PTPRE: variants seen among roughly 807,000 people sequenced by gnomAD.
PTPRE encodes the protein protein tyrosine phosphatase receptor type E, also known as receptor-type tyrosine-protein phosphatase epsilon.
In PTPRE, 51 loss-of-function variants were observed where a neutral mutation model predicts 102.0. The observed-to-expected ratio is 0.50, with a 90% CI of 0.40 to 0.63. The LOEUF is 0.63. Ranked by LOEUF, PTPRE falls within the 30% of genes least tolerant of loss-of-function variation. The probability of loss-of-function intolerance (pLI) is 0.00; values close to 1 mark genes in which losing one functional copy is unlikely to be tolerated. For missense variants in PTPRE, 752 were observed against 915.1 expected (o/e 0.82, Z 2.30); for synonymous variants, 345 against 348.2 (o/e 0.99, Z 0.10).
At chr10:128,067,174 GCACA>G (rs1287995017) in intron 11 of PTPRE, among the ~76,000 whole-genome samples, 4 of 127,692 alleles carry the variant, frequency 3.1e-5, no homozygotes, top group African/African-American at 1.2e-4. Flanking sequence ...ATGCACACAT[GCACA>G]CATTCACACA....
intron 1 of PTPRE, among the ~76,000 whole-genome samples, chr10:127,918,573 A>AAAAAAAAAAAAAAAAG (rs1454404446): frequency 2.6e-5 from 4 of 151,916 alleles, no homozygotes; most frequent in African/African-American, 9.7e-5. Context: ...AAAAAAAAAA[A>AAAAAAAAAAAAAAAAG]AGAGAGAAAA....
intron 1 of PTPRE, chr10:127,934,146 A>G (rs913239311): frequency 6.6e-6 from 1 of 151,742 alleles, no homozygotes; most frequent in Admixed American, 6.6e-5. Context: ...GCAGAGGACA[A>G]TCTTGGAAAA....
Position 128,070,992 on chromosome 10 carries a change from T to TG in PTPRE, c.1387+92dup. On this transcript the variant is annotated intron_variant, in intron 15 of 20. Transcript: ENST00000254667. This position sits in a 1 kb window ranked among gnomAD's most constrained non-coding sequence, Gnocchi z 4.8. ...GGAGAAGCCATTGACCGCTTACCCC[T>TG]GTGCACCAGGGTCAAAAGCAGGGTG... 7.7e-7 allele frequency: 1 copy of TG among 1,295,056 alleles called. No individual in the cohort carries two copies. The highest frequency in any genetic ancestry group is 1.1e-6 in the Non-Finnish European group (1 of 912,504). The allele number at this position is 1,295,056 out of a possible 1,614,324, so 80.2% of individuals were successfully genotyped here.
At position 128,015,755 on chromosome 10, in the gene PTPRE, G is replaced by A. The variant is rs116480418; in HGVS notation, c.-7-25120G>A. 1.6e-3 allele frequency among the ~76,000 whole-genome samples: 248 copies of A among 152,258 alleles called. 3 individuals are homozygous for A. Among genetic ancestry groups the A allele is most frequent in the African/African-American group, 5.7e-3 (238 of 41,530 alleles). The stretch of plus-strand genomic sequence containing the variant: ...GGGCCCTGGAATTCGAGGTTACAGT[G>A]AGCTATGATCTTGCAACTGCACTGC... On this transcript the variant is annotated intron_variant, in intron 2 of 20. Transcript: ENST00000254667.
At chr10:127,914,381 G>A (rs748471884) in intron 1 of PTPRE, among the ~76,000 whole-genome samples, 5 of 152,196 alleles carry the variant, frequency 3.3e-5, no homozygotes, top group East Asian at 1.9e-4. Flanking sequence ...CAGGCTTTGC[G>A]GACACCGGTG....
At chr10:128,007,570 C>A (rs1359526809) in intron 2 of PTPRE, among the ~76,000 whole-genome samples, 2 of 152,192 alleles carry the variant, frequency 1.3e-5, no homozygotes, top group Admixed American at 6.5e-5. Flanking sequence ...TAAAATCTTA[C>A]AATGTTTCAG....
intron 2 of PTPRE, chr10:127,987,359 A>G (rs1249865382): frequency 1.6e-6 from 2 of 1,284,612 alleles, no homozygotes; most frequent in South Asian, 2.5e-5. Flanking sequence ...CTCCAAGGCC[A>G]GGATGGTTTC....
At chr10:127,945,044 G>A (rs973043743) in intron 1 of PTPRE, among the ~76,000 whole-genome samples, 2 of 152,218 alleles carry the variant, frequency 1.3e-5, no homozygotes, top group African/African-American at 2.4e-5. Flanking sequence ...CATGGGCCAG[G>A]AGTGCCTTGT....
chr10:127,989,468 T>G (rs1730275302), intron 2 of PTPRE, among the ~76,000 whole-genome samples: 1 of 152,174 alleles, frequency 6.6e-6, no homozygotes, highest in African/African-American at 2.4e-5. Context: ...AGTCCAGGCA[T>G]GCCTTGTCAC....
chr10:128,069,962 A>C, intron 13 of PTPRE, 135 bp downstream of exon 13: 1 of 1,371,108 alleles, frequency 7.3e-7, no homozygotes, highest in Non-Finnish European at 1.0e-6. Context: ...TTCGCTCCCC[A>C]TAGCCTTCCC....
intron 1 of PTPRE, among the ~76,000 whole-genome samples, chr10:127,973,125 C>T (rs1188489407): frequency 1.3e-5 from 2 of 152,162 alleles, no homozygotes; most frequent in African/African-American, 4.8e-5. Flanking sequence ...CATATTTTTG[C>T]TATAATGCTG....
chr10:128,061,659 T>A lies in PTPRE; in HGVS notation c.589-20T>A, dbSNP rs778247846. 9 of 1,579,402 alleles carry A rather than the reference T, an allele frequency of 5.7e-6. No individual in the cohort carries two copies. The highest frequency in any genetic ancestry group is 7.7e-6 in the Non-Finnish European group (9 of 1,165,106). On this transcript the variant is annotated intron_variant, in intron 8 of 20. Coordinates refer to ENST00000254667, the MANE Select transcript of PTPRE (RefSeq NM_006504.6). Reference sequence around the variant, plus strand: ...AAAGATAATTCTGAAAAAATATAAATCTGATGTTATTTTTTCTAGGGTTAC... The same window carrying A: ...AAAGATAATTCTGAAAAAATATAAAACTGATGTTATTTTTTCTAGGGTTAC...
At chr10:128,055,925 C>A (rs1389828465) in intron 6 of PTPRE, among the ~76,000 whole-genome samples, 198 bp from the exon 7 acceptor site, 1 of 152,238 alleles carries the variant, frequency 6.6e-6, no homozygotes, top group Non-Finnish European at 1.5e-5. Context: ...TGAAAGAGCA[C>A]CCTGGGGAAA....
chr10:128,006,736 T>C (rs1854588180), intron 2 of PTPRE, among the ~76,000 whole-genome samples: 1 of 152,122 alleles, frequency 6.6e-6, no homozygotes, highest in Non-Finnish European at 1.5e-5. Flanking sequence ...GAAAACATAG[T>C]CCGGGTGAAT....
At chr10:127,991,491 C>T (rs920543324) in intron 2 of PTPRE, among the ~76,000 whole-genome samples, 6 of 152,138 alleles carry the variant, frequency 3.9e-5, no homozygotes, top group Admixed American at 6.5e-5. Context: ...TTTAACCTGA[C>T]CTAGGCTCTT....
At chr10:127,936,738 A>G (rs1847870681) in intron 1 of PTPRE, among the ~76,000 whole-genome samples, 1 of 152,126 alleles carries the variant, frequency 6.6e-6, no homozygotes, top group Non-Finnish European at 1.5e-5. Context: ...TTCTAATGGT[A>G]GTAACTCTAT....
At chr10:127,918,613 G>T (rs1208271988) in intron 1 of PTPRE, among the ~76,000 whole-genome samples, 1 of 151,898 alleles carries the variant, frequency 6.6e-6, no homozygotes, top group African/African-American at 2.4e-5. Context: ...AATTATTGAA[G>T]GAGCTTGGGG....
At chr10:127,990,429 A>G (rs1026344937) in intron 2 of PTPRE, among the ~76,000 whole-genome samples, 3 of 151,760 alleles carry the variant, frequency 2.0e-5, no homozygotes, top group Non-Finnish European at 4.4e-5. Flanking sequence ...AAAAAAAAAA[A>G]AAAAGAAAGA....
intron 10 of PTPRE, among the ~76,000 whole-genome samples, chr10:128,064,374 C>A (rs903886110): frequency 1.8e-4 from 28 of 152,358 alleles, no homozygotes; most frequent in Admixed American, 1.4e-3. Context: ...GCAAATCTTG[C>A]CCTTGTCATG....
Sources: gnomAD v4.1 joint callset for allele counts (sites outside exome capture counted in the v4.1 genomes callset) on GRCh38, gnomAD v4.1.1 for gene constraint, Gnocchi (gnomAD v3.1) non-coding constraint, MANE v1.5 for transcripts, NCBI Gene and HGNC (gene_info 2026-07-23, HGNC 2026-07-21) for gene names.